UROC1: variants seen among roughly 807,000 people sequenced by gnomAD.
The protein encoded by UROC1 is urocanate hydratase 1.
Under a neutral mutation model 89.5 loss-of-function variants are expected in UROC1, and 79 were observed. That is an observed-to-expected ratio of 0.88 (90% confidence interval 0.74 to 1.06). The LOEUF (loss-of-function observed/expected upper bound fraction) is 1.06. Ranked by LOEUF, UROC1 falls within the 50% of genes least tolerant of loss-of-function variation. The pLI is 0.00. For missense variants in UROC1, 885 were observed against 907.8 expected, an observed-to-expected ratio of 0.97 and a Z score of 0.32; for synonymous variants, 361 against 354.8, an observed-to-expected ratio of 1.02 and a Z score of -0.20.
At chr3:126,496,216 C>CTAGG (rs769849603) in intron 14 of UROC1, 108 bp from the exon 15 acceptor site, 14 of 1,158,566 alleles carry the variant, frequency 1.2e-5, no homozygotes, top group Non-Finnish European at 1.6e-5. Context: ...CACCACTGAG[C>CTAGG]TAGGACACAA....
intron 3 of UROC1, among the ~76,000 whole-genome samples, chr3:126,509,233 C>G (rs1936139642): frequency 7.1e-6 from 1 of 141,736 alleles, no homozygotes; most frequent in Non-Finnish European, 1.5e-5. Context: ...GAGACCCTGT[C>G]TCTCTAAAAA....
At chr3:126,495,889 A>T in intron 15 of UROC1, 149 bp downstream of exon 15, 1 of 751,446 alleles carries the variant, frequency 1.3e-6, no homozygotes, top group Non-Finnish European at 2.3e-6. Context: ...TGGCACAAAC[A>T]GTCACACAGG....
intron 14 of UROC1, among the ~76,000 whole-genome samples, chr3:126,496,976 A>G (rs956112641): frequency 1.3e-5 from 2 of 152,120 alleles, no homozygotes; most frequent in African/African-American, 4.8e-5. Context: ...TTCTTTCCGG[A>G]GGGCTGGTCG....
rs200612701 is a variant in UROC1 at position 126,500,148 on chromosome 3, C to A, written c.1152G>T (p.Arg384Ser). The A allele has an allele frequency of 6.2e-7, 1 of 1,613,698 alleles. No homozygotes were observed. The highest frequency in any genetic ancestry group is 8.5e-7 in the Non-Finnish European group (1 of 1,179,982). ...VFKDLVQESL[R>S]RQVSAINRLA... Reference sequence around the variant, plus strand: ...ACCTGTTGATGGCTGAGACTTGCCTCCTCAGGCTGCAACAAGCCATGGGTC... The same window carrying A: ...ACCTGTTGATGGCTGAGACTTGCCTACTCAGGCTGCAACAAGCCATGGGTC... Residue 384 changes from arginine (R) to serine (S), a missense_variant, in exon 12 of 20, where the codon AGG becomes AGT. Coordinates refer to ENST00000290868, the MANE Select transcript of UROC1 (RefSeq NM_144639.3).
intron 17 of UROC1, 57 bp downstream of exon 17, chr3:126,489,219 A>C (rs1935587673): frequency 1.3e-6 from 2 of 1,517,358 alleles, no homozygotes; most frequent in Non-Finnish European, 1.8e-6. Flanking sequence ...AAATGCATCA[A>C]TTTTTAATAA....
chr3:126,499,926 T>C (rs35907154), intron 12 of UROC1, 131 bp downstream of exon 12: 470,993 of 869,910 alleles, frequency 0.54, 128,397 homozygotes, highest in Middle Eastern at 0.6. Flanking sequence ...AGAGGCACAG[T>C]GAAGCCTCGG....
chr3:126,483,856 G>A (rs1461087771), intron 18 of UROC1, among the ~76,000 whole-genome samples: 1 of 152,152 alleles, frequency 6.6e-6, no homozygotes, highest in Non-Finnish European at 1.5e-5. Flanking sequence ...ACTCAATTCA[G>A]TCATCACTCT....
chr3:126,510,581 C>A, intron 2 of UROC1, 83 bp downstream of exon 2: 2 of 1,583,392 alleles, frequency 1.3e-6, no homozygotes, highest in South Asian at 1.1e-5. Flanking sequence ...CCGACTCCCT[C>A]CTTGTTCCTG....
intron 8 of UROC1, 41 bp downstream of exon 8, chr3:126,505,660 G>A (rs1936037948): frequency 6.2e-7 from 1 of 1,607,446 alleles, no homozygotes; most frequent in Non-Finnish European, 8.5e-7. Context: ...AGGGAGGGAG[G>A]GAGGCAGGCA....
chr3:126,500,896 C>T, intron 10 of UROC1, 22 bp from the exon 11 acceptor site: 10 of 1,612,338 alleles, frequency 6.2e-6, no homozygotes, highest in Non-Finnish European at 8.5e-6. Context: ...ATGCGGTGGT[C>T]AGTGCAAGCC....
At chr3:126,505,559 T>C in intron 8 of UROC1, 142 bp downstream of exon 8, 1 of 1,352,558 alleles carries the variant, frequency 7.4e-7, no homozygotes, top group Non-Finnish European at 1.0e-6. Context: ...CCAGTGGGGC[T>C]TCGTGGAGGA....
chr3:126,503,239 T>C (rs2107545104), intron 9 of UROC1, among the ~76,000 whole-genome samples: 1 of 152,338 alleles, frequency 6.6e-6, no homozygotes, highest in African/African-American at 2.4e-5. Context: ...GTTCACTGCA[T>C]CGTTTCTCAA....
At chr3:126,491,056 A>G (rs1576713259) in intron 16 of UROC1, among the ~76,000 whole-genome samples, 1 of 152,146 alleles carries the variant, frequency 6.6e-6, no homozygotes, top group East Asian at 1.9e-4. Flanking sequence ...CTCTTGAATG[A>G]AGAGGTCTGC....
chr3:126,492,376 A>G (rs1234809334), intron 16 of UROC1, 42 bp downstream of exon 16: 22 of 1,576,040 alleles, frequency 1.4e-5, no homozygotes, highest in Non-Finnish European at 1.8e-5. Flanking sequence ...GGCAGTGGGA[A>G]GAGGCTGAGG....
intron 9 of UROC1, among the ~76,000 whole-genome samples, chr3:126,503,615 C>A (rs1419537623): frequency 6.6e-6 from 1 of 152,214 alleles, no homozygotes; most frequent in Non-Finnish European, 1.5e-5. Context: ...CTCTGCGAGC[C>A]CACACAGCAG....
chr3:126,490,004 A>C (rs1398640813), intron 16 of UROC1, among the ~76,000 whole-genome samples: 1 of 152,090 alleles, frequency 6.6e-6, no homozygotes, highest in Non-Finnish European at 1.5e-5. Context: ...TGGCTGGCTG[A>C]TGGCCTGGAG....
rs1420322198 is a variant in UROC1, at chr3:126,499,392, T to C, written c.1261A>G (p.Lys421Glu). ...AQRAGADVEK[K>E]GAGRTEFRYP... The stretch of plus-strand genomic sequence containing the variant: ...CGGAACTCTGTCCTGCCAGCACCTT[T>C]CTTCTCCACATCCGCTCCTGTGGGC... The change falls in exon 13 of 20, where the codon AAA (lysine) becomes GAA (glutamate). Residue 421 changes from lysine to glutamate, a missense_variant. By Grantham distance (56) the Lys-to-Glu change is moderately conservative (BLOSUM62 1). Transcript: ENST00000290868. 2 of 1,612,790 alleles carry C rather than the reference T, an allele frequency of 1.2e-6. No homozygotes were observed. Among genetic ancestry groups the C allele is most frequent in the Admixed American group, 1.7e-5 (1 of 59,890 alleles).
chr3:126,500,665 G>T, intron 11 of UROC1, 30 bp downstream of exon 11: 2 of 1,613,956 alleles, frequency 1.2e-6, no homozygotes, highest in South Asian at 1.1e-5. Context: ...CAGGCCAAAT[G>T]CTTCTGCCAC....
chr3:126,494,796 T>A (rs1935740668), intron 15 of UROC1, among the ~76,000 whole-genome samples: 1 of 152,040 alleles, frequency 6.6e-6, no homozygotes, highest in South Asian at 2.1e-4. Context: ...CTGGACCCCT[T>A]CCCTGGCCAT....
Sources: allele counts gnomAD v4.1 joint callset (sites outside exome capture counted in the v4.1 genomes callset), GRCh38; gene constraint gnomAD v4.1.1; transcripts MANE v1.5; gene names NCBI Gene and HGNC (gene_info 2026-07-23, HGNC 2026-07-21).